TEX2: variants seen among roughly 807,000 people sequenced by gnomAD.
The protein encoded by TEX2 is testis expressed 2, also known as testis-expressed protein 2.
Under a neutral mutation model 106.9 loss-of-function variants are expected in TEX2, and 53 were observed. The observed-to-expected ratio is 0.50, with a 90% CI of 0.40 to 0.62. TEX2 has a LOEUF of 0.62. Ranked by LOEUF, TEX2 falls within the 20% of genes least tolerant of loss-of-function variation. The pLI, the probability that TEX2 is intolerant of heterozygous loss-of-function variation, is 0.00. For synonymous variants in TEX2, 523 were observed against 534.8 expected (o/e 0.98, Z 0.30); for missense variants, 1,207 against 1,379.0 (o/e 0.88, Z 1.98).
At chr17:64,162,944 A>G (rs1234506484) in intron 7 of TEX2, among the ~76,000 whole-genome samples, 1 of 152,098 alleles carries the variant, frequency 6.6e-6, no homozygotes, top group Non-Finnish European at 1.5e-5. Flanking sequence ...GTTGCCAGGG[A>G]AGAGGCTGTA....
intron 6 of TEX2, 113 bp downstream of exon 6, chr17:64,177,212 T>A (rs2031649919): frequency 8.8e-6 from 11 of 1,252,196 alleles, no homozygotes; most frequent in Non-Finnish European, 1.3e-5. Context: ...CTTACTACCC[T>A]CATATGTTAT....
At chr17:64,212,264 TA>T in intron 2 of TEX2, among the ~76,000 whole-genome samples, 1 of 152,126 alleles carries the variant, frequency 6.6e-6, no homozygotes, top group Admixed American at 6.5e-5. Context: ...ACTCAGCCAT[TA>T]AAAATGCTCA....
chr17:64,218,416 T>C (rs1555632892), intron 1 of TEX2, among the ~76,000 whole-genome samples: 1 of 28,636 alleles, frequency 3.5e-5, no homozygotes, highest in Non-Finnish European at 1.1e-4. Context: ...TTTTTTTTTT[T>C]TTTTTTTTTT....
chr17:64,250,950 C>T (rs1263728742), intron 1 of TEX2, among the ~76,000 whole-genome samples: 1 of 152,168 alleles, frequency 6.6e-6, no homozygotes, highest in East Asian at 1.9e-4. Flanking sequence ...CCTCAGCCTC[C>T]CAAAGTGCTG....
At chr17:64,161,001 C>T (rs2030859127) in intron 7 of TEX2, 68 bp from the exon 8 acceptor site, 3 of 1,542,912 alleles carry the variant, frequency 1.9e-6, no homozygotes, top group East Asian at 2.3e-5. Context: ...AAATGACTTA[C>T]ATTTAAAAAT....
At chr17:64,176,711 C>T (rs1378145085) in intron 6 of TEX2, among the ~76,000 whole-genome samples, 2 of 152,140 alleles carry the variant, frequency 1.3e-5, no homozygotes, top group African/African-American at 4.8e-5. Context: ...CAGGAGAGAG[C>T]CCAAAATAAA....
intron 1 of TEX2, among the ~76,000 whole-genome samples, chr17:64,220,489 G>C (rs561107958): frequency 5.3e-5 from 8 of 151,904 alleles, no homozygotes; most frequent in East Asian, 1.9e-4. Context: ...GAATCTACAA[G>C]GAACCTAAAC....
At chr17:64,180,778 C>T (rs897704089) in intron 5 of TEX2, among the ~76,000 whole-genome samples, 1 of 152,224 alleles carries the variant, frequency 6.6e-6, no homozygotes, top group African/African-American at 2.4e-5. Context: ...AACTGCGTCA[C>T]TCTTGGGATA....
intron 2 of TEX2, 83 bp downstream of exon 2, chr17:64,212,491 G>C: frequency 7.5e-7 from 1 of 1,338,368 alleles, no homozygotes; most frequent in South Asian, 1.4e-5. Flanking sequence ...ATCTTTAACA[G>C]CTAACCAAAA....
intron 11 of TEX2, chr17:64,149,368 TA>T (rs1254246245): frequency 8.8e-6 from 3 of 341,732 alleles, no homozygotes; most frequent in Non-Finnish European, 1.6e-5. Flanking sequence ...TATGCACTGA[TA>T]TATATCCAAC....
At position 64,217,525 on chromosome 17, in the gene TEX2, G is replaced by A. The variant is rs1432473901; in HGVS notation, c.-25-3283C>T. On this transcript the variant is annotated intron_variant, in intron 1 of 11. Transcript: ENST00000584379. This position sits in a 1 kb window ranked among gnomAD's most constrained non-coding sequence, Gnocchi z 4.3. ...CTTTTGTACCTGCCCTCTGTGCTCC[G>A]TCATGGACAGCTCACTTACAAGCTA... is the stretch of plus-strand genomic sequence containing the variant. Among the ~76,000 whole-genome samples the A allele has an allele frequency of 2.6e-5, 4 of 152,140 alleles. No individual in the cohort carries two copies. The highest frequency in any genetic ancestry group is 2.1e-4 in the South Asian group (1 of 4,822).
chr17:64,198,960 A>G (rs1326972386), intron 2 of TEX2, among the ~76,000 whole-genome samples: 1 of 152,230 alleles, frequency 6.6e-6, no homozygotes, highest in African/African-American at 2.4e-5. Flanking sequence ...CAAGTATTAT[A>G]TTACATGAAA....
chr17:64,171,547 G>C (rs2031399549), intron 6 of TEX2, among the ~76,000 whole-genome samples: 1 of 152,064 alleles, frequency 6.6e-6, no homozygotes. Flanking sequence ...GGAGGTCAGG[G>C]ATGGCTTCCC....
intron 2 of TEX2, among the ~76,000 whole-genome samples, chr17:64,196,613 AG>A (rs1348683020): frequency 6.6e-6 from 1 of 152,208 alleles, no homozygotes; most frequent in African/African-American, 2.4e-5. Flanking sequence ...GAAGAGAAAA[AG>A]ATGACAATTA....
At chr17:64,189,733 GCACTTTGGGAGGCCGAGACAGATGAAT>G (rs1290300621) in intron 4 of TEX2, among the ~76,000 whole-genome samples, 1 of 152,098 alleles carries the variant, frequency 6.6e-6, no homozygotes, top group African/African-American at 2.4e-5. Context: ...TATAATCTCG[GCACTTTGGGAGGCCGAGACAGATGAAT>G]CACTTCAGGT....
intron 1 of TEX2, among the ~76,000 whole-genome samples, chr17:64,260,194 G>A (rs961347450): frequency 2.6e-5 from 4 of 152,288 alleles, no homozygotes; most frequent in African/African-American, 9.6e-5. Flanking sequence ...AGGAGCACAG[G>A]AGCTCATTAG....
intron 1 of TEX2, among the ~76,000 whole-genome samples, chr17:64,241,247 C>T (rs1299771725): frequency 6.6e-6 from 1 of 152,232 alleles, no homozygotes; most frequent in Non-Finnish European, 1.5e-5. Context: ...CAGTGCTGAG[C>T]TCAGAAGCCG....
chr17:64,259,000 C>T (rs1054452874), intron 1 of TEX2, among the ~76,000 whole-genome samples: 8 of 152,046 alleles, frequency 5.3e-5, no homozygotes, highest in African/African-American at 1.7e-4. Context: ...TCAGGTGATC[C>T]GCCTCCCAAA....
intron 1 of TEX2, among the ~76,000 whole-genome samples, chr17:64,261,678 C>G (rs2034289290): frequency 6.6e-6 from 1 of 152,168 alleles, no homozygotes; most frequent in Non-Finnish European, 1.5e-5. Context: ...TCACCCAGAG[C>G]CCTCCACATC....
Sources: allele counts gnomAD v4.1 joint callset (sites outside exome capture counted in the v4.1 genomes callset), GRCh38; gene constraint gnomAD v4.1.1; non-coding constraint Gnocchi (gnomAD v3.1); transcripts MANE v1.5; gene names NCBI Gene and HGNC (gene_info 2026-07-23, HGNC 2026-07-21).